Variants in ACCSL observed in about 807,000 individuals in gnomAD.
ACCSL encodes 1-aminocyclopropane-1-carboxylate synthase homolog (inactive) like, also known as probable inactive 1-aminocyclopropane-1-carboxylate synthase-like protein 2.
ACCSL carries 55 observed loss-of-function variants against 61.7 expected under a neutral mutation model. The observed-to-expected ratio is 0.89, with a 90% CI of 0.72 to 1.12. The LOEUF (loss-of-function observed/expected upper bound fraction) is 1.12. ACCSL is among the 50% of genes most tolerant of loss of function. The probability of loss-of-function intolerance (pLI) is 0.00; values close to 1 mark genes in which losing one functional copy is unlikely to be tolerated. For missense variants in ACCSL, 632 were observed against 698.0 expected, an observed-to-expected ratio of 0.91 and a Z score of 1.07; for synonymous variants, 258 against 264.3, an observed-to-expected ratio of 0.98 and a Z score of 0.23.
chr11:44,052,569 T>C, intron 5 of ACCSL, 93 bp from the exon 6 acceptor site: 1 of 1,091,422 alleles, frequency 9.2e-7, no homozygotes, highest in East Asian at 2.4e-5. Context: ...ACTGACTTTT[T>C]TTCTGTCGAT....
At chr11:44,039,796 G>A in the ACCSL span, among the ~76,000 whole-genome samples, 17 of 152,206 alleles carry the variant, frequency 1.1e-4, no homozygotes, top group Admixed American at 9.8e-4. Context: ...AGAGTATTCT[G>A]GGGCTACAGG....
chr11:43,985,025 C>T, the ACCSL span, among the ~76,000 whole-genome samples: 8 of 152,152 alleles, frequency 5.3e-5, no homozygotes, highest in Non-Finnish European at 7.3e-5. Context: ...CAGGGACCTT[C>T]GAGTTGGAGG....
upstream of ACCSL, among the ~76,000 whole-genome samples, chr11:44,044,548 C>T (rs1209214986): frequency 6.6e-6 from 1 of 152,082 alleles, no homozygotes; most frequent in Non-Finnish European, 1.5e-5. Context: ...GACGATTCTG[C>T]AATCCCTATC....
the ACCSL span, among the ~76,000 whole-genome samples, chr11:43,938,693 C>T: frequency 6.6e-6 from 1 of 152,006 alleles, no homozygotes; most frequent in Admixed American, 6.6e-5. Flanking sequence ...ATCCCAGCTA[C>T]TCGGGAGGCT....
At chr11:44,007,332 C>G in the ACCSL span, among the ~76,000 whole-genome samples, 1 of 152,320 alleles carries the variant, frequency 6.6e-6, no homozygotes. Flanking sequence ...CCCAGCCAGA[C>G]ATTCCAGAGC....
In ACCSL at chr11:44,058,679, A is replaced by G; in HGVS notation, c.1604A>G (p.Glu535Gly). The change falls in exon 13 of 14, where the codon GAG becomes GGG. Residue 535 changes from glutamate (E) to glycine (G), a missense_variant. By Grantham distance (98) the Glu-to-Gly change is moderately conservative (BLOSUM62 -2). Coordinates refer to ENST00000378832, the MANE Select transcript of ACCSL (RefSeq NM_001031854.2). ...TGGTTCTGCCTCATCTTTGCAGATG[A>G]GCTCCCCCGGCTAAAATTGGGTGAG... ...PGWFCLIFAD[E>G]LPRLKLAMRR... 6.2e-7 allele frequency: 1 copy of G among 1,611,542 alleles called. No individual in the cohort carries two copies. Among genetic ancestry groups the G allele is most frequent in the Non-Finnish European group, 8.5e-7 (1 of 1,178,288 alleles).
At chr11:44,054,447 C>CTTTTTTTTTT (rs67313576) in intron 8 of ACCSL, among the ~76,000 whole-genome samples, 5 of 138,438 alleles carry the variant, frequency 3.6e-5, no homozygotes, top group Non-Finnish European at 4.7e-5. Flanking sequence ...TTCTTTCTTT[C>CTTTTTTTTTT]TTTTTTTTTT....
chr11:43,937,955 G>A, the ACCSL span, among the ~76,000 whole-genome samples: 1 of 152,272 alleles, frequency 6.6e-6, no homozygotes, highest in South Asian at 2.1e-4. Context: ...AATCTCTCTG[G>A]TTATTGCTCT....
chr11:43,974,526 C>T, the ACCSL span, among the ~76,000 whole-genome samples: 1 of 152,202 alleles, frequency 6.6e-6, no homozygotes, highest in Non-Finnish European at 1.5e-5. Context: ...AGTTCACAGT[C>T]ACAGGTTGCA....
the ACCSL span, chr11:43,942,517 C>T: frequency 4.3e-6 from 1 of 230,254 alleles, no homozygotes; most frequent in Non-Finnish European, 8.9e-6. Flanking sequence ...AGCGGCGGGG[C>T]GACGTCAGGC....
At chr11:43,960,505 C>G in the ACCSL span, among the ~76,000 whole-genome samples, 1 of 151,996 alleles carries the variant, frequency 6.6e-6, no homozygotes, top group Non-Finnish European at 1.5e-5. Flanking sequence ...TCTCCTCAGC[C>G]TCCCGAGTAG....
intron 11 of ACCSL, 117 bp from the exon 12 acceptor site, chr11:44,058,195 CAAACA>C: frequency 4.8e-6 from 6 of 1,242,300 alleles, no homozygotes; most frequent in Non-Finnish European, 6.6e-6. Flanking sequence ...TAAAAACAGA[CAAACA>C]AAACAAAAAC....
the ACCSL span, among the ~76,000 whole-genome samples, chr11:44,026,524 C>T: frequency 6.6e-6 from 1 of 152,162 alleles, no homozygotes; most frequent in African/African-American, 2.4e-5. Context: ...AATCCAACAT[C>T]TGGGCATTCT....
At chr11:44,015,440 G>A in the ACCSL span, among the ~76,000 whole-genome samples, 137 of 152,274 alleles carry the variant, frequency 9.0e-4, no homozygotes, top group Non-Finnish European at 1.5e-3. Context: ...AGACAGGGCC[G>A]TCTACCAGAG....
At chr11:43,968,505 T>G in the ACCSL span, among the ~76,000 whole-genome samples, 1 of 152,250 alleles carries the variant, frequency 6.6e-6, no homozygotes, top group African/African-American at 2.4e-5. Context: ...CTTACCTTTT[T>G]GCTTTTTGAA....
the ACCSL span, among the ~76,000 whole-genome samples, chr11:43,986,043 TCCATGTCACCCTCC>T: frequency 0.38 from 58,025 of 151,588 alleles, 11,806 homozygotes; most frequent in Middle Eastern, 0.47. Flanking sequence ...AGCCGAGCAT[TCCATGTCACCCTCC>T]CCAGTCTTAT....
chr11:43,937,699 C>A, the ACCSL span, among the ~76,000 whole-genome samples: 1 of 152,062 alleles, frequency 6.6e-6, no homozygotes, highest in Non-Finnish European at 1.5e-5. Flanking sequence ...CCACCCCTCA[C>A]CTCTCCCCTA....
At chr11:43,930,234 A>G in the ACCSL span, among the ~76,000 whole-genome samples, 4 of 152,334 alleles carry the variant, frequency 2.6e-5, no homozygotes, top group East Asian at 7.7e-4. Flanking sequence ...GTGTCCTGGC[A>G]TAGAACACTC....
the ACCSL span, among the ~76,000 whole-genome samples, chr11:43,970,162 A>G: frequency 6.6e-6 from 1 of 152,054 alleles, no homozygotes; most frequent in Non-Finnish European, 1.5e-5. Flanking sequence ...CAGAAAAATT[A>G]AAAAATGAGG....
Sources: allele counts gnomAD v4.1 joint callset (sites outside exome capture counted in the v4.1 genomes callset), GRCh38; gene constraint gnomAD v4.1.1; transcripts MANE v1.5; gene names NCBI Gene and HGNC (gene_info 2026-07-23, HGNC 2026-07-21).